Variants in THRB observed in about 807,000 individuals in gnomAD.
The protein encoded by THRB is thyroid hormone receptor beta, also known as nuclear receptor subfamily 1 group A member 2.
THRB carries 12 observed loss-of-function variants against 47.8 expected under a neutral mutation model. The ratio of observed to expected loss-of-function variants is 0.25; its 90% CI spans 0.16 to 0.41. THRB has a LOEUF of 0.41. Among genes scored for constraint, THRB ranks in the 10% least tolerant of loss-of-function variants. The pLI is 1.00. For missense variants in THRB, 348 were observed against 589.2 expected, an observed-to-expected ratio of 0.59 and a Z score of 4.24; for synonymous variants, 218 against 212.2, an observed-to-expected ratio of 1.03 and a Z score of -0.24.
intron 2 of THRB, among the ~76,000 whole-genome samples, chr3:24,320,680 T>A (rs2058426599): frequency 6.6e-6 from 1 of 152,094 alleles, no homozygotes; most frequent in Non-Finnish European, 1.5e-5. Context: ...ATGTTAAACA[T>A]AATATTAATA....
At chr3:24,348,942 T>C (rs1425989521) in intron 1 of THRB, 2 of 152,104 alleles carry the variant, frequency 1.3e-5, no homozygotes, top group Non-Finnish European at 2.9e-5. Flanking sequence ...TTCTTTGAAA[T>C]CATAATGGTG....
chr3:24,191,165 CT>C (rs2043285412), intron 4 of THRB, among the ~76,000 whole-genome samples: 1 of 151,662 alleles, frequency 6.6e-6, no homozygotes, highest in Non-Finnish European at 1.5e-5. Context: ...TGAAAAATTT[CT>C]GACACTAACC....
At chr3:24,390,240 AG>A (rs2066458888) in intron 1 of THRB, among the ~76,000 whole-genome samples, 1 of 152,148 alleles carries the variant, frequency 6.6e-6, no homozygotes, top group Admixed American at 6.5e-5. Context: ...GAAGATATAA[AG>A]AGGCATGAGC....
rs116765950 is a variant in THRB, at chr3:24,266,711, C to A, written c.-43+30515G>T. Among the ~76,000 whole-genome samples the A allele has an allele frequency of 7.8e-3, 1,181 of 152,138 alleles. 19 individuals carry two copies. Among genetic ancestry groups the A allele is most frequent in the African/African-American group, 0.027 (1,108 of 41,476 alleles). On this transcript the variant is annotated intron_variant, in intron 3 of 10. Coordinates refer to ENST00000646209, the MANE Select transcript of THRB (RefSeq NM_001354712.2). ...CTGATGTTGGAAGCTAATACCCAGT[C>A]CACAAAATGTACTCAGTGAGGAAGA...
chr3:24,122,437 G>A lies in THRB; in HGVS notation c.*447C>T, dbSNP rs2031858139. ...TGTTCGAGTCTTTCCCTAAAAGGCT[G>A]AAAGCCACATCTAACTAAAGGTGGT... On this transcript the variant is annotated 3_prime_UTR_variant, in exon 11 of 11. Coordinates refer to ENST00000646209, the MANE Select transcript of THRB (RefSeq NM_001354712.2). 1 of 222,798 alleles carries A rather than the reference G, an allele frequency of 4.5e-6. No homozygotes were observed. Among genetic ancestry groups the A allele is most frequent in the Non-Finnish European group, 9.0e-6 (1 of 110,914 alleles). 13.8% of individuals were successfully genotyped at this position (222,798 alleles called of 1,614,324 possible).
intron 2 of THRB, among the ~76,000 whole-genome samples, chr3:24,315,044 C>T (rs2058023743): frequency 6.6e-6 from 1 of 152,196 alleles, no homozygotes; most frequent in African/African-American, 2.4e-5. Flanking sequence ...TTTTCTTTGT[C>T]TTTTAATTCC....
chr3:24,270,123 G>A (rs1157210492), intron 3 of THRB, among the ~76,000 whole-genome samples: 1 of 152,100 alleles, frequency 6.6e-6, no homozygotes, highest in Non-Finnish European at 1.5e-5. Flanking sequence ...ATGGTTCTAT[G>A]CAAAATAAAT....
intron 3 of THRB, among the ~76,000 whole-genome samples, chr3:24,230,811 G>A (rs186039459): frequency 1.3e-5 from 2 of 152,290 alleles, no homozygotes; most frequent in East Asian, 3.9e-4. Context: ...GGACTAGTAA[G>A]ATGATTTTTC....
At chr3:24,445,384 G>T (rs1489155661) in intron 1 of THRB, among the ~76,000 whole-genome samples, 1 of 152,102 alleles carries the variant, frequency 6.6e-6, no homozygotes, top group Non-Finnish European at 1.5e-5. Flanking sequence ...AGTAATAGTA[G>T]ATTTGACTGG....
At chr3:24,261,055 G>A (rs1439783599) in intron 3 of THRB, among the ~76,000 whole-genome samples, 2 of 112,828 alleles carry the variant, frequency 1.8e-5, no homozygotes, top group Non-Finnish European at 3.5e-5. Context: ...TCCTATCTAA[G>A]CTCAATCTCT....
chr3:24,216,783 GA>G (rs1444285216), intron 4 of THRB, among the ~76,000 whole-genome samples: 1 of 152,068 alleles, frequency 6.6e-6, no homozygotes, highest in Non-Finnish European at 1.5e-5. Flanking sequence ...AAGAATTTAC[GA>G]ATGTTCTGAT....
intron 2 of THRB, among the ~76,000 whole-genome samples, chr3:24,333,280 G>A (rs2062038828): frequency 6.6e-6 from 1 of 152,088 alleles, no homozygotes; most frequent in South Asian, 2.1e-4. Context: ...TGAATAACTG[G>A]AATCTGACTA....
chr3:24,213,396 A>G (rs1242474994), intron 4 of THRB, among the ~76,000 whole-genome samples: 1 of 152,220 alleles, frequency 6.6e-6, no homozygotes, highest in Non-Finnish European at 1.5e-5. Flanking sequence ...TATTAATTAA[A>G]CATGCCATGG....
intron 4 of THRB, among the ~76,000 whole-genome samples, chr3:24,206,699 CA>C (rs1181155573): frequency 8.5e-5 from 13 of 152,066 alleles, no homozygotes; most frequent in Non-Finnish European, 1.5e-4. Context: ...TTCAAAAAAT[CA>C]ATGAATCCAG....
Position 24,378,986 on chromosome 3 carries a change from A to G in THRB, c.-260-41615T>C, listed in dbSNP as rs116256787. On this transcript the variant is annotated intron_variant, in intron 1 of 10. Coordinates refer to ENST00000646209, the MANE Select transcript of THRB (RefSeq NM_001354712.2). ...TGCCAGCACCATTTGAAAGCATTTT[A>G]TAATCATCATCTCATTTAACCCTTA... is the stretch of plus-strand genomic sequence containing the variant. Among the ~76,000 whole-genome samples, 616 of 152,260 alleles carry G rather than the reference A, an allele frequency of 4.0e-3. 3 individuals are homozygous for G. The highest frequency in any genetic ancestry group is 0.014 in the African/African-American group (577 of 41,556).
chr3:24,211,379 T>C (rs2046010023), intron 4 of THRB, among the ~76,000 whole-genome samples: 1 of 152,210 alleles, frequency 6.6e-6, no homozygotes, highest in South Asian at 2.1e-4. Flanking sequence ...GGAGAAACAG[T>C]ACAGGAAACT....
intron 1 of THRB, among the ~76,000 whole-genome samples, chr3:24,457,675 C>T (rs1683271075): frequency 6.6e-6 from 1 of 152,112 alleles, no homozygotes; most frequent in African/African-American, 2.4e-5. Context: ...TTTCATCTTT[C>T]CTATTTTTAT....
intron 1 of THRB, among the ~76,000 whole-genome samples, chr3:24,442,867 A>G (rs2071680768): frequency 2.0e-5 from 3 of 151,596 alleles, no homozygotes; most frequent in South Asian, 4.2e-4. Context: ...AAACTAAGGA[A>G]TAATAACTAC....
chr3:24,123,514 G>A (rs969833607), intron 10 of THRB, among the ~76,000 whole-genome samples: 6 of 152,142 alleles, frequency 3.9e-5, no homozygotes, highest in African/African-American at 9.7e-5. Flanking sequence ...GAGGATGAGC[G>A]TGGACATGCA....
Sources: gnomAD v4.1 joint callset for allele counts (sites outside exome capture counted in the v4.1 genomes callset) on GRCh38, gnomAD v4.1.1 for gene constraint, MANE v1.5 for transcripts, NCBI Gene and HGNC (gene_info 2026-07-23, HGNC 2026-07-21) for gene names.